Variants in PTPRD observed in about 807,000 individuals in gnomAD.
The protein encoded by PTPRD is protein tyrosine phosphatase receptor type D.
In PTPRD, 34 loss-of-function variants were observed where a neutral mutation model predicts 214.5. That is an observed-to-expected ratio of 0.16 (90% CI 0.12 to 0.21). PTPRD has a LOEUF of 0.21. Among genes scored for constraint, PTPRD ranks in the 10% least tolerant of loss-of-function variants. The probability of loss-of-function intolerance (pLI) is 1.00; values close to 1 mark genes in which losing one functional copy is unlikely to be tolerated. For synonymous variants in PTPRD, 1,128 were observed against 845.7 expected (o/e 1.33, Z -5.79); for missense variants, 2,545 against 2,398.7 (o/e 1.06, Z -1.27).
intron 9 of PTPRD, among the ~76,000 whole-genome samples, chr9:9,240,760 C>T (rs2099969977): frequency 6.6e-6 from 1 of 152,118 alleles, no homozygotes; most frequent in Admixed American, 6.6e-5. Context: ...GAAGTCTATA[C>T]TTCTAATATA....
chr9:8,612,506 G>A (rs2095485896), intron 14 of PTPRD, among the ~76,000 whole-genome samples: 2 of 152,166 alleles, frequency 1.3e-5, no homozygotes, highest in South Asian at 4.1e-4. Flanking sequence ...TAAGGTGTTA[G>A]AAGCAAATCG....
chr9:9,896,023 A>T (rs2074870739), intron 5 of PTPRD, among the ~76,000 whole-genome samples: 2 of 152,064 alleles, frequency 1.3e-5, no homozygotes, highest in South Asian at 4.1e-4. Flanking sequence ...TCTACTGCAA[A>T]CGAGATGACT....
intron 12 of PTPRD, among the ~76,000 whole-genome samples, chr9:8,665,231 A>G (rs568940377): frequency 6.6e-6 from 1 of 152,322 alleles, no homozygotes; most frequent in Admixed American, 6.5e-5. Flanking sequence ...AACAAATATT[A>G]AGCTAGCCAT....
At chr9:9,032,248 C>A (rs1003669586) in intron 10 of PTPRD, among the ~76,000 whole-genome samples, 1 of 151,948 alleles carries the variant, frequency 6.6e-6, no homozygotes, top group Non-Finnish European at 1.5e-5. Flanking sequence ...TGAAAGTGAT[C>A]TTTTTGAAAC....
chr9:9,765,562 G>T (rs1245079319), intron 6 of PTPRD, among the ~76,000 whole-genome samples: 1 of 152,186 alleles, frequency 6.6e-6, no homozygotes, highest in Non-Finnish European at 1.5e-5. Flanking sequence ...AGAAACCCTT[G>T]TCAGACATTG....
At chr9:8,590,183 C>T (rs1055058659) in intron 14 of PTPRD, among the ~76,000 whole-genome samples, 2 of 151,878 alleles carry the variant, frequency 1.3e-5, no homozygotes, top group African/African-American at 4.8e-5. Context: ...CCAGATGGTC[C>T]AAGTATCTGA....
At chr9:10,277,641 T>C (rs1047285484) in intron 3 of PTPRD, among the ~76,000 whole-genome samples, 1 of 152,246 alleles carries the variant, frequency 6.6e-6, no homozygotes, top group African/African-American at 2.4e-5. Context: ...GATTCTTGTA[T>C]AACTACTGCT....
At chr9:9,227,082 G>C (rs923562128) in intron 9 of PTPRD, among the ~76,000 whole-genome samples, 1 of 151,988 alleles carries the variant, frequency 6.6e-6, no homozygotes, top group Non-Finnish European at 1.5e-5. Flanking sequence ...AATAGGTTAA[G>C]AAAGTAATAT....
intron 30 of PTPRD, among the ~76,000 whole-genome samples, chr9:8,482,902 T>A (rs1291645399): frequency 7.6e-5 from 9 of 118,014 alleles, no homozygotes; most frequent in African/African-American, 3.6e-4. Flanking sequence ...CCCTTAAGAT[T>A]TAAGTTCAGA....
chr9:9,305,949 C>A (rs1023069602), intron 9 of PTPRD, among the ~76,000 whole-genome samples: 1 of 151,976 alleles, frequency 6.6e-6, no homozygotes, highest in Non-Finnish European at 1.5e-5. Context: ...GATCTTTTAG[C>A]CTTCAGAATG....
intron 5 of PTPRD, among the ~76,000 whole-genome samples, chr9:9,938,060 G>T (rs1042118992): frequency 3.9e-5 from 6 of 152,052 alleles, no homozygotes; most frequent in African/African-American, 7.2e-5. Context: ...CCTAACTCTG[G>T]AAATGACAAA....
intron 4 of PTPRD, among the ~76,000 whole-genome samples, chr9:10,031,425 G>A (rs1261864068): frequency 6.6e-6 from 1 of 151,154 alleles, no homozygotes; most frequent in Non-Finnish European, 1.5e-5. Context: ...TATAAAGCAG[G>A]CAGAAAAATG....
At chr9:9,830,206 A>G (rs2054344038) in intron 5 of PTPRD, among the ~76,000 whole-genome samples, 1 of 151,796 alleles carries the variant, frequency 6.6e-6, no homozygotes, top group Admixed American at 6.6e-5. Flanking sequence ...TTAATCAAAT[A>G]TTTTTAAAAA....
intron 34 of PTPRD, among the ~76,000 whole-genome samples, chr9:8,441,581 G>T (rs1189061294): frequency 1.3e-5 from 2 of 151,850 alleles, no homozygotes; most frequent in Non-Finnish European, 2.9e-5. Context: ...TTTAATCTGT[G>T]TGTATGTGAA....
intron 2 of PTPRD, among the ~76,000 whole-genome samples, 163 bp from the exon 3 acceptor site, chr9:10,341,180 A>G (rs2096932567): frequency 1.3e-5 from 2 of 151,960 alleles, no homozygotes; most frequent in East Asian, 1.9e-4. Context: ...AGGACCTCCA[A>G]CTTTCGGTAT....
In PTPRD at chr9:9,390,932, G is replaced by C. The variant is rs968420499; in HGVS notation, c.-203+6517C>G. 1.4e-4 allele frequency among the ~76,000 whole-genome samples: 22 copies of C among 152,196 alleles called. 1 individual carries two copies. Among genetic ancestry groups the C allele is most frequent in the Admixed American group, 9.2e-4 (14 of 15,262 alleles). On this transcript the variant is annotated intron_variant, in intron 9 of 45. Transcript: ENST00000381196. ...AAGTGTTTGTTGTCATTGATAACAA[G>C]ATTGGATTTCTAAGAAGATGGTGTT...
At chr9:8,337,701 T>A (rs1445523851) in intron 43 of PTPRD, among the ~76,000 whole-genome samples, 1 of 151,954 alleles carries the variant, frequency 6.6e-6, no homozygotes, top group East Asian at 1.9e-4. Context: ...TCAATCTTCT[T>A]TTGTTTATTG....
intron 14 of PTPRD, among the ~76,000 whole-genome samples, chr9:8,533,359 G>A (rs1049959051): frequency 2.6e-5 from 4 of 151,994 alleles, no homozygotes; most frequent in African/African-American, 7.2e-5. Context: ...AGAACTGTTT[G>A]CCATGGTATT....
Position 8,948,493 on chromosome 9 carries a change from T to TTATA in PTPRD, c.-104+70200_-104+70203dup, listed in dbSNP as rs1219587496. On this transcript the variant is annotated intron_variant, in intron 11 of 45. Coordinates refer to ENST00000381196, the MANE Select transcript of PTPRD (RefSeq NM_002839.4). The stretch of plus-strand genomic sequence containing the variant: ...CATATATATATATTTATATATATAT[T>TTATA]TATATATATATTTATATATATATAT... Among the ~76,000 whole-genome samples the TTATA allele has an allele frequency of 2.1e-4, 10 of 48,438 alleles. 4 individuals are homozygous for TTATA. The highest frequency in any genetic ancestry group is 9.1e-4 in the African/African-American group (10 of 11,004). The allele number at this position is 48,438 out of a possible 152,430, so 31.8% of individuals were successfully genotyped here.
Sources: gnomAD v4.1 joint callset for allele counts (sites outside exome capture counted in the v4.1 genomes callset) on GRCh38, gnomAD v4.1.1 for gene constraint, MANE v1.5 for transcripts, NCBI Gene and HGNC (gene_info 2026-07-23, HGNC 2026-07-21) for gene names.